The following STK25 variants were observed in gnomAD, a reference collection of about 807,000 sequenced individuals.
STK25 encodes the protein serine/threonine kinase 25, also known as serine/threonine-protein kinase 25.
A neutral mutation model predicts 53.8 loss-of-function variants in STK25; 29 were observed. That is an observed-to-expected ratio of 0.54 (90% CI 0.40 to 0.74). The LOEUF (loss-of-function observed/expected upper bound fraction) is 0.74. Among genes scored for constraint, STK25 ranks in the 30% least tolerant of loss-of-function variants. The probability of loss-of-function intolerance (pLI) is 0.00; values close to 1 mark genes in which losing one functional copy is unlikely to be tolerated. For missense variants in STK25, 420 were observed against 568.0 expected (o/e 0.74, Z 2.65); for synonymous variants, 247 against 238.3 (o/e 1.04, Z -0.33).
intron 8 of STK25, 70 bp downstream of exon 8, chr2:241,498,569 C>G (rs867382000): frequency 1.9e-6 from 3 of 1,547,996 alleles, no homozygotes; most frequent in Non-Finnish European, 2.6e-6. Flanking sequence ...GCCCACGCCC[C>G]TGCTTCTGGA....
Position 241,493,280 on chromosome 2 carries a change from T to C in STK25, c.*2382A>G. Reference sequence around the variant, plus strand: ...CCAGCCCCTGGAACCCGTGTCCCTATGCTGTCTTGCAGGATGACTACCCAC... The same window carrying C: ...CCAGCCCCTGGAACCCGTGTCCCTACGCTGTCTTGCAGGATGACTACCCAC... On this transcript the variant is annotated 3_prime_UTR_variant, in exon 12 of 12. Transcript: ENST00000316586. 2 of 1,613,254 alleles carry C rather than the reference T, an allele frequency of 1.2e-6. No individual in the cohort carries two copies. Among genetic ancestry groups the C allele is most frequent in the Non-Finnish European group, 1.7e-6 (2 of 1,179,788 alleles).
rs567669663 is a variant in STK25, at chr2:241,495,837, A to G, written c.1242-136T>C. 257 of 843,072 alleles carry G rather than the reference A, an allele frequency of 3.0e-4. 2 individuals carry two copies. The African/African-American group carries it at 3.8e-3, about 12-fold the overall frequency. 52.2% of individuals were successfully genotyped at this position (843,072 alleles called of 1,614,324 possible). ...GTGGGTCTGAAGGTGTCCCCAATGC[A>G]CAGGGTCTCAGGAGCAGCAATGACT... is the stretch of plus-strand genomic sequence containing the variant. On this transcript the variant is annotated intron_variant, in intron 11 of 11. Coordinates refer to ENST00000316586, the MANE Select transcript of STK25 (RefSeq NM_001271977.2).
chr2:241,495,812 G>C (rs1051785459), intron 11 of STK25, 111 bp from the exon 12 acceptor site: 2 of 1,134,702 alleles, frequency 1.8e-6, no homozygotes, highest in Non-Finnish European at 2.6e-6. Context: ...ACCGCACCAC[G>C]TGGGTCTGAA....
chr2:241,500,687 G>A, intron 4 of STK25, 53 bp downstream of exon 4: 3 of 1,577,268 alleles, frequency 1.9e-6, no homozygotes, highest in African/African-American at 1.3e-5. Flanking sequence ...GAGTCTGAGG[G>A]GCAGGGGACT....
chr2:241,508,635 C>T (rs915381755), upstream of STK25: 1 of 986,708 alleles, frequency 1.0e-6, no homozygotes, highest in African/African-American at 1.7e-5. Context: ...GCGCACGGCT[C>T]TCTGGGACCC....
chr2:241,508,314 CCA>C, intron 1 of STK25, 127 bp downstream of exon 1: 1 of 1,242,078 alleles, frequency 8.1e-7, no homozygotes, highest in Non-Finnish European at 1.0e-6. Context: ...GTCGCCGCCC[CCA>C]CCTCTTCCAA....
At position 241,492,852 on chromosome 2, in the gene STK25, G is replaced by A; in HGVS notation, c.*2810C>T. ...GCTGGAGAAAGCATGCAGAGGCTTA[G>A]TCTTGGGGAGCAAACCCACTCCCAC... On this transcript the variant is annotated 3_prime_UTR_variant, in exon 12 of 12. Coordinates refer to ENST00000316586, the MANE Select transcript of STK25 (RefSeq NM_001271977.2). The A allele has an allele frequency of 1.2e-6, 1 of 819,716 alleles. No homozygotes were observed. Among genetic ancestry groups the A allele is most frequent in the Non-Finnish European group, 2.1e-6 (1 of 469,634 alleles). 50.8% of individuals were successfully genotyped at this position (819,716 alleles called of 1,614,324 possible).
At chr2:241,507,970 G>C in intron 2 of STK25, 36 bp downstream of exon 2, 1 of 1,557,086 alleles carries the variant, frequency 6.4e-7, no homozygotes, top group Non-Finnish European at 8.7e-7. Context: ...CCCTCGGTGA[G>C]AGGCCGCTAG....
At position 241,508,056 on chromosome 2, in the gene STK25, TC is replaced by T. The variant is rs748449369; in HGVS notation, c.-22del. On this transcript the variant is annotated 5_prime_UTR_variant, in exon 2 of 12. Transcript: ENST00000316586. ...GCCATGGCCGCGCCGCCTCAGACCC[TC>T]CGCCAGCAGCCCCAGGAGGCGTCTG... is the stretch of plus-strand genomic sequence containing the variant. 4 of 1,596,292 alleles carry T rather than the reference TC, an allele frequency of 2.5e-6. No individual in the cohort carries two copies. Among genetic ancestry groups the T allele is most frequent in the Admixed American group, 3.5e-5 (2 of 57,692 alleles).
At position 241,502,343 on chromosome 2, in the gene STK25, G is replaced by A. The variant is rs1377975486; in HGVS notation, c.31-635C>T. Among the ~76,000 whole-genome samples the A allele has an allele frequency of 5.9e-5, 9 of 152,140 alleles. No individual in the cohort carries two copies. In the East Asian group the frequency reaches 1.5e-3, roughly 26 times the overall value. On this transcript the variant is annotated intron_variant, in intron 2 of 11. Transcript: ENST00000316586. ...TTGCCTCATCTAACCCGAACAACAT[G>A]CCAGCCCCGTGACAGATGTTAATAG...
At position 241,492,744 on chromosome 2, in the gene STK25, T is replaced by G. The variant is rs2064971928; in HGVS notation, c.*2918A>C. The G allele has an allele frequency of 1.8e-6, 1 of 560,406 alleles. No homozygotes were observed. The allele number at this position is 560,406 out of a possible 1,614,324, so 34.7% of individuals were successfully genotyped here. ...TTACTTGGTGCCTGGAATGTCACTCTAGGTTTTTAACATGCTTCTGTTGGA... is the reference window on the plus strand; with the variant it reads ...TTACTTGGTGCCTGGAATGTCACTCGAGGTTTTTAACATGCTTCTGTTGGA... On this transcript the variant is annotated 3_prime_UTR_variant, in exon 12 of 12. Transcript: ENST00000316586.
In STK25 at chr2:241,501,770, CAG is replaced by C; in HGVS notation, c.31-64_31-63del. 7.4e-7 allele frequency: 1 copy of C among 1,343,078 alleles called. No individual in the cohort carries two copies. The highest frequency in any genetic ancestry group is 1.0e-6 in the Non-Finnish European group (1 of 953,904). 83.2% of individuals were successfully genotyped at this position (1,343,078 alleles called of 1,614,324 possible). A position where few individuals can be genotyped will look rare whatever the true frequency, so the allele number is the denominator to read the frequency against. ...CCGGTCACAAGAGGCGGGGGACAGG[CAG>C]AGGCTGCCCTGCTGGGGAGGAAGGG... On this transcript the variant is annotated intron_variant, in intron 2 of 11. Transcript: ENST00000316586. This position sits in a 1 kb window ranked among gnomAD's most constrained non-coding sequence, Gnocchi z 5.3.
rs150633197 is a variant in STK25, at chr2:241,493,306, T to C, written c.*2356A>G. The stretch of plus-strand genomic sequence containing the variant: ...GCTGTCTTGCAGGATGACTACCCAC[T>C]GGCCAGCCTCCCGCTGCTGGGCTAC... On this transcript the variant is annotated 3_prime_UTR_variant, in exon 12 of 12. Transcript: ENST00000316586. 3 of 1,613,846 alleles carry C rather than the reference T, an allele frequency of 1.9e-6. No individual in the cohort carries two copies. The highest frequency in any genetic ancestry group is 2.2e-5 in the East Asian group (1 of 44,880).
intron 1 of STK25, 98 bp downstream of exon 1, chr2:241,508,345 C>CCCCCGCCCCGGTGT (rs1239773120): frequency 1.7e-6 from 2 of 1,168,600 alleles, no homozygotes; most frequent in East Asian, 4.5e-5. Context: ...CCTCCCGGTG[C>CCCCCGCCCCGGTGT]CCCCGCCCCG....
rs190426354 is a variant in STK25 at position 241,496,824 on chromosome 2, G to A, written c.1105-290C>T. Reference sequence around the variant, plus strand: ...GGGACCAGATGGCTTCCTCCCAGCCGAGGGTCATGGAAGCCACTCAATGGG... The same window carrying A: ...GGGACCAGATGGCTTCCTCCCAGCCAAGGGTCATGGAAGCCACTCAATGGG... On this transcript the variant is annotated intron_variant, in intron 10 of 11. Coordinates refer to ENST00000316586, the MANE Select transcript of STK25 (RefSeq NM_001271977.2). This position sits in a 1 kb window ranked among gnomAD's most constrained non-coding sequence, Gnocchi z 5.8. Among the ~76,000 whole-genome samples, 17 of 152,262 alleles carry A rather than the reference G, an allele frequency of 1.1e-4. No individual in the cohort carries two copies. In the East Asian group the frequency reaches 2.1e-3, roughly 19 times the overall value.
chr2:241,503,530 G>C (rs1199519426), intron 2 of STK25, among the ~76,000 whole-genome samples: 7 of 150,424 alleles, frequency 4.7e-5, no homozygotes, highest in African/African-American at 1.5e-4. Context: ...GGCTAACATG[G>C]TGAAACCCCG....
Position 241,499,052 on chromosome 2 carries a change from C to G in STK25, c.708G>C (p.Glu236Asp). The change falls in exon 7 of 12, where the codon GAG (glutamate) becomes GAC (aspartate). Residue 236 changes from glutamate (E) to aspartate (D), a missense_variant. Transcript: ENST00000316586. Reference sequence around the variant, plus strand: ...CCTTGAAGGGCTTGCTGTGCTGGCCCTCCAGTGTGGGTGGGCTGTTCTTGG... The same window carrying G: ...CCTTGAAGGGCTTGCTGTGCTGGCCGTCCAGTGTGGGTGGGCTGTTCTTGG... ...LIPKNSPPTL[E>D]GQHSKPFKEF... 1 of 1,614,110 alleles carries G rather than the reference C, an allele frequency of 6.2e-7. No individual in the cohort carries two copies. Among genetic ancestry groups the G allele is most frequent in the Non-Finnish European group, 8.5e-7 (1 of 1,180,010 alleles).
At position 241,496,304 on chromosome 2, in the gene STK25, G is replaced by GCAGC; in HGVS notation, c.1241+90_1241+93dup. 6.8e-7 allele frequency: 1 copy of GCAGC among 1,470,802 alleles called. No individual in the cohort carries two copies. Among genetic ancestry groups the GCAGC allele is most frequent in the East Asian group, 2.3e-5 (1 of 43,662 alleles). The allele number at this position is 1,470,802 out of a possible 1,614,324, so 91.1% of individuals were successfully genotyped here. A position where few individuals can be genotyped will look rare whatever the true frequency, so the allele number is the denominator to read the frequency against. On this transcript the variant is annotated intron_variant, in intron 11 of 11. Transcript: ENST00000316586. The surrounding 1 kb of genome is among the most constrained non-coding windows in gnomAD (Gnocchi z 5.8). ...GAAGCGAGCCCATGTAGTGCCAAAT[G>GCAGC]CAGCCACACCCACGAGTGAGCACTG...
Position 241,508,120 on chromosome 2 carries a change from C to G in STK25, c.-85G>C, listed in dbSNP as rs1199773739. The stretch of plus-strand genomic sequence containing the variant: ...AGGCGCGGAGCCGGCTAGCTCGCCC[C>G]TGCGGCGTCAGTCCACTGCGAGGGA... On this transcript the variant is annotated 5_prime_UTR_variant, in exon 2 of 12. Coordinates refer to ENST00000316586, the MANE Select transcript of STK25 (RefSeq NM_001271977.2). 4 of 1,531,254 alleles carry G rather than the reference C, an allele frequency of 2.6e-6. No individual in the cohort carries two copies. The highest frequency in any genetic ancestry group is 2.6e-6 in the Non-Finnish European group (3 of 1,139,830). 94.9% of individuals were successfully genotyped at this position (1,531,254 alleles called of 1,614,324 possible). A position where few individuals can be genotyped will look rare whatever the true frequency, so the allele number is the denominator to read the frequency against.
Sources: gnomAD v4.1 joint callset for allele counts (sites outside exome capture counted in the v4.1 genomes callset) on GRCh38, gnomAD v4.1.1 for gene constraint, Gnocchi (gnomAD v3.1) non-coding constraint, MANE v1.5 for transcripts, NCBI Gene and HGNC (gene_info 2026-07-23, HGNC 2026-07-21) for gene names.